Variants in MED13L observed in about 807,000 individuals in gnomAD.
MED13L encodes mediator complex subunit 13L.
In MED13L, 7 loss-of-function variants were observed where a neutral mutation model predicts 220.9. The ratio of observed to expected loss-of-function variants is 0.03; its 90% confidence interval spans 0.02 to 0.06. The LOEUF is 0.06. Among genes scored for constraint, MED13L ranks in the 10% least tolerant of loss-of-function variants. The pLI is 1.00. For missense variants in MED13L, 1,965 were observed against 2,760.5 expected (o/e 0.71, Z 6.46); for synonymous variants, 1,011 against 1,015.2 (o/e 1.00, Z 0.08).
At chr12:115,971,993 A>C (rs1317209600) in intron 26 of MED13L, 85 bp downstream of exon 26, 5 of 1,445,320 alleles carry the variant, frequency 3.5e-6, no homozygotes, top group African/African-American at 1.4e-5. Context: ...AATGAAGACA[A>C]TTCTACCCTT....
intron 2 of MED13L, among the ~76,000 whole-genome samples, chr12:116,128,097 T>C (rs1052633737): frequency 1.3e-5 from 2 of 152,208 alleles, no homozygotes; most frequent in African/African-American, 4.8e-5. Flanking sequence ...CTTTCTCATC[T>C]ATTGCTTTGT....
In MED13L at chr12:116,031,759, A is replaced by AGAAAAGAAAAGAAG. The variant is rs1592967502; in HGVS notation, c.480-9159_480-9158insCTTCTTTTCTTTTC. On this transcript the variant is annotated intron_variant, in intron 4 of 30. Coordinates refer to ENST00000281928, the MANE Select transcript of MED13L (RefSeq NM_015335.5). ...AGAAAAGAAAAGAAAAGAAAAGAAA[A>AGAAAAGAAAAGAAG]GAAGGAAGGAAGGAAGGAAGGAAGG... Among the ~76,000 whole-genome samples the AGAAAAGAAAAGAAG allele has an allele frequency of 3.0e-3, 121 of 40,946 alleles. 1 individual carries two copies. Among genetic ancestry groups the AGAAAAGAAAAGAAG allele is most frequent in the South Asian group, 6.0e-3 (6 of 994 alleles). 26.9% of individuals were successfully genotyped at this position (40,946 alleles called of 152,430 possible).
chr12:116,268,853 G>C (rs1873033452), intron 1 of MED13L, among the ~76,000 whole-genome samples: 1 of 152,222 alleles, frequency 6.6e-6, no homozygotes, highest in South Asian at 2.1e-4. Context: ...ATTCAACTCA[G>C]TGACTTAATA....
At chr12:116,265,505 G>A (rs1872768402) in intron 1 of MED13L, among the ~76,000 whole-genome samples, 1 of 152,072 alleles carries the variant, frequency 6.6e-6, no homozygotes, top group South Asian at 2.1e-4. Flanking sequence ...ATATCGTCTT[G>A]GATTATCTCC....
chr12:115,969,813 C>G (rs989138362), intron 27 of MED13L, among the ~76,000 whole-genome samples: 1 of 152,062 alleles, frequency 6.6e-6, no homozygotes, highest in African/African-American at 2.4e-5. Flanking sequence ...CATAAGCCAC[C>G]GTGCCTGGCC....
rs1178829431 is a variant in MED13L at position 116,102,697 on chromosome 12, CTTTTTCTTTTTTCTTTT to C, written c.396-5962_396-5946del. Among the ~76,000 whole-genome samples, 583 of 73,184 alleles carry C rather than the reference CTTTTTCTTTTTTCTTTT, an allele frequency of 8.0e-3. 5 individuals are homozygous for C. Among genetic ancestry groups the C allele is most frequent in the African/African-American group, 0.025 (552 of 22,290 alleles). The allele number at this position is 73,184 out of a possible 152,430, so 48.0% of individuals were successfully genotyped here. A position where few individuals can be genotyped will look rare whatever the true frequency, so the allele number is the denominator to read the frequency against. ...CGAGTAATCCCTATATTTTCTTTTT[CTTTTTCTTTTTTCTTTT>C]TTTTTTTTTTTTTTTTTTTTTTTTT... On this transcript the variant is annotated intron_variant, in intron 3 of 30. Coordinates refer to ENST00000281928, the MANE Select transcript of MED13L (RefSeq NM_015335.5).
chr12:116,136,574 C>CG (rs1876575687), intron 2 of MED13L, among the ~76,000 whole-genome samples: 1 of 152,222 alleles, frequency 6.6e-6, no homozygotes, highest in Non-Finnish European at 1.5e-5. Flanking sequence ...CTTGAGTCAT[C>CG]ACACCATCCA....
intron 2 of MED13L, among the ~76,000 whole-genome samples, chr12:116,206,879 T>C (rs1882366538): frequency 6.6e-6 from 1 of 150,646 alleles, no homozygotes; most frequent in Non-Finnish European, 1.5e-5. Context: ...AATGATTAAC[T>C]TTTTTTTATA....
chr12:115,982,539 G>A lies in MED13L; in HGVS notation c.5020C>T (p.Pro1674Ser), dbSNP rs940354349. The A allele has an allele frequency of 6.2e-7, 1 of 1,614,128 alleles. No homozygotes were observed. Among genetic ancestry groups the A allele is most frequent in the Admixed American group, 1.7e-5 (1 of 60,016 alleles). ...ACCATGTAAATGACAACAGCTGGAG[G>A]GTGGGCATGGCTGTCTGCAGAGTCA... ...EPDSADSHAH[P>S]PAVVIYMVDP... is the part of the protein sequence containing the mutation. The change falls in exon 22 of 31, where the codon CCT becomes TCT. Residue 1674 changes from proline to serine, a missense_variant. This residue lies in a region of MED13L where 510 missense variants were observed against 620.4 expected (regional missense o/e 0.82). Transcript: ENST00000281928.
At chr12:116,146,837 C>G (rs1877565091) in intron 2 of MED13L, among the ~76,000 whole-genome samples, 1 of 151,818 alleles carries the variant, frequency 6.6e-6, no homozygotes, top group Non-Finnish European at 1.5e-5. Context: ...CACTGCACTC[C>G]AGCCTGGGCA....
At chr12:116,118,465 A>G (rs900285217) in intron 2 of MED13L, among the ~76,000 whole-genome samples, 16 of 152,206 alleles carry the variant, frequency 1.1e-4, no homozygotes, top group African/African-American at 3.6e-4. Context: ...ATTCAAGAAT[A>G]ATCAATTTAT....
At chr12:116,006,447 C>T (rs750523738) in intron 11 of MED13L, 36 bp from the exon 12 acceptor site, 1 of 1,514,814 alleles carries the variant, frequency 6.6e-7, no homozygotes, top group Non-Finnish European at 9.2e-7. Flanking sequence ...AACACATGAA[C>T]ACCAACCCAA....
In MED13L at chr12:116,114,453, T is replaced by G. The variant is rs117328789; in HGVS notation, c.311-2941A>C. On this transcript the variant is annotated intron_variant, in intron 2 of 30. Transcript: ENST00000281928. ...ACACCATTAAAATTTTATCCTGATT[T>G]CTACAATTTTAAAATAGAACCCAGA... is the stretch of plus-strand genomic sequence containing the variant. Among the ~76,000 whole-genome samples the G allele has an allele frequency of 4.7e-4, 72 of 152,296 alleles. No individual in the cohort carries two copies. In the East Asian group the frequency reaches 0.013, roughly 27 times the overall value.
rs1197742251 is a variant in MED13L at position 116,236,794 on chromosome 12, A to G, written c.310+674T>C. The G allele has an allele frequency of 5.3e-6, 5 of 949,278 alleles. No homozygotes were observed. In the Admixed American group the frequency reaches 2.5e-4, roughly 47 times the overall value. 58.8% of individuals were successfully genotyped at this position (949,278 alleles called of 1,614,324 possible). A position where few individuals can be genotyped will look rare whatever the true frequency, so the allele number is the denominator to read the frequency against. On this transcript the variant is annotated intron_variant, in intron 2 of 30. Coordinates refer to ENST00000281928, the MANE Select transcript of MED13L (RefSeq NM_015335.5). ...TCATAAAACTGTGGTAAATATATAAAGCAGCACAGAAAAATGAAACTCTTA... is the reference window on the plus strand; with the variant it reads ...TCATAAAACTGTGGTAAATATATAAGGCAGCACAGAAAAATGAAACTCTTA...
In MED13L at chr12:116,221,886, T is replaced by A. The variant is rs527860775; in HGVS notation, c.310+15582A>T. Among the ~76,000 whole-genome samples, 11 of 152,274 alleles carry A rather than the reference T, an allele frequency of 7.2e-5. No homozygotes were observed. In the South Asian group the frequency reaches 2.3e-3, roughly 32 times the overall value. ...AAATTATTTTTTATTCAAATCCCCATAAGGAGCAAGGGCATAAATAATTAT... is the reference window on the plus strand; with the variant it reads ...AAATTATTTTTTATTCAAATCCCCAAAAGGAGCAAGGGCATAAATAATTAT... On this transcript the variant is annotated intron_variant, in intron 2 of 30. Transcript: ENST00000281928.
intron 3 of MED13L, among the ~76,000 whole-genome samples, chr12:116,104,754 C>T (rs1341719239): frequency 6.6e-6 from 1 of 152,132 alleles, no homozygotes; most frequent in Non-Finnish European, 1.5e-5. Flanking sequence ...AAAAAATGAG[C>T]TTTCTATTGA....
intron 1 of MED13L, among the ~76,000 whole-genome samples, chr12:116,253,762 T>TG (rs1203960051): frequency 7.3e-6 from 1 of 137,712 alleles, no homozygotes; most frequent in African/African-American, 2.8e-5. Context: ...TGTTTTTTTT[T>TG]TTTTTTTTTT....
chr12:115,984,410 C>T, intron 19 of MED13L, 38 bp from the exon 20 acceptor site: 2 of 1,606,384 alleles, frequency 1.2e-6, no homozygotes, highest in South Asian at 1.1e-5. Flanking sequence ...ATAACAGGAG[C>T]CATTCCTTCA....
chr12:116,267,128 G>C (rs1872892213), intron 1 of MED13L, among the ~76,000 whole-genome samples: 2 of 152,150 alleles, frequency 1.3e-5, no homozygotes, highest in African/African-American at 4.8e-5. Context: ...GGAATTAATA[G>C]CTTAAACTAC....
Sources: allele counts gnomAD v4.1 joint callset (sites outside exome capture counted in the v4.1 genomes callset), GRCh38; gene constraint gnomAD v4.1.1; regional missense constraint gnomAD v4.1.1; transcripts MANE v1.5; gene names NCBI Gene and HGNC (gene_info 2026-07-23, HGNC 2026-07-21).